Variants in SLC25A40 observed in about 807,000 individuals in gnomAD.
SLC25A40 encodes solute carrier family 25 member 40.
In SLC25A40, 41 loss-of-function variants were observed where a neutral mutation model predicts 46.5. That is an observed-to-expected ratio of 0.88 (90% CI 0.69 to 1.14). The LOEUF (loss-of-function observed/expected upper bound fraction) is 1.14. Ranked by LOEUF, SLC25A40 falls within the 50% of genes most tolerant of loss-of-function variation. The pLI, the probability that SLC25A40 is intolerant of heterozygous loss-of-function variation, is 0.00. For missense variants in SLC25A40, 386 were observed against 393.6 expected (o/e 0.98, Z 0.16); for synonymous variants, 126 against 127.5 (o/e 0.99, Z 0.08).
At chr7:87,852,994 T>C (rs1054387012) in intron 5 of SLC25A40, among the ~76,000 whole-genome samples, 2 of 152,198 alleles carry the variant, frequency 1.3e-5, no homozygotes, top group Non-Finnish European at 2.9e-5. Context: ...AAATTGAATT[T>C]TGTAAAAATT....
At chr7:87,836,600 T>C (rs1838260909) in intron 11 of SLC25A40, 130 bp downstream of exon 11, 1 of 561,452 alleles carries the variant, frequency 1.8e-6, no homozygotes, top group East Asian at 3.4e-5. Context: ...TTTTAACTTA[T>C]AATAAAGATA....
chr7:87,868,439 A>G (rs1230106086), intron 1 of SLC25A40, among the ~76,000 whole-genome samples: 1 of 152,036 alleles, frequency 6.6e-6, no homozygotes, highest in Non-Finnish European at 1.5e-5. Context: ...ACCTGGAAAT[A>G]AGAATCTGAT....
intron 1 of SLC25A40, among the ~76,000 whole-genome samples, chr7:87,873,485 T>C (rs775873142): frequency 1.1e-3 from 155 of 146,226 alleles, no homozygotes; most frequent in Non-Finnish European, 1.7e-3. Flanking sequence ...CACGCTGGAG[T>C]GCAGTGGCGC....
intron 8 of SLC25A40, among the ~76,000 whole-genome samples, chr7:87,846,393 A>G (rs1029369940): frequency 7.9e-5 from 12 of 152,192 alleles, no homozygotes; most frequent in Admixed American, 5.2e-4. Context: ...AAATGCCACT[A>G]AAGTAGGCAC....
intron 4 of SLC25A40, among the ~76,000 whole-genome samples, chr7:87,855,943 G>A (rs888196918): frequency 1.3e-5 from 2 of 152,092 alleles, no homozygotes; most frequent in Admixed American, 1.3e-4. Flanking sequence ...TCAAGCAATA[G>A]TTGTATGATG....
At position 87,858,691 on chromosome 7, in the gene SLC25A40, C is replaced by T. The variant is rs1373119925; in HGVS notation, c.37G>A (p.Val13Met). Residue 13 changes from valine to methionine, a missense_variant, in exon 3 of 12, where the codon GTG (valine) becomes ATG (methionine). Physicochemically the swap from Val to Met is conservative, Grantham distance 21. Transcript: ENST00000341119. ...GCAAGCATTTGTTGAAGAGGTGTCA[C>T]TTTGATAATCTCTTGTCCCCTTGTC... ...PETRGQEIIK[V>M]TPLQQMLASC... The T allele has an allele frequency of 2.5e-6, 4 of 1,613,022 alleles. No individual in the cohort carries two copies. The African/African-American group carries it at 4.0e-5, about 16-fold the overall frequency.
intron 1 of SLC25A40, among the ~76,000 whole-genome samples, chr7:87,872,948 C>T (rs1838916639): frequency 6.6e-6 from 1 of 152,206 alleles, no homozygotes; most frequent in South Asian, 2.1e-4. Flanking sequence ...GTTCCACAGC[C>T]ACTAACCAAT....
In SLC25A40 at chr7:87,833,923, A is replaced by T. The variant is rs1282058908; in HGVS notation, c.*2326T>A. 6.7e-6 allele frequency: 1 copy of T among 148,800 alleles called. No individual in the cohort carries two copies. The highest frequency in any genetic ancestry group is 2.6e-5 in the African/African-American group (1 of 38,914). The allele number at this position is 148,800 out of a possible 1,614,324, so 9.2% of individuals were successfully genotyped here. A position where few individuals can be genotyped will look rare whatever the true frequency, so the allele number is the denominator to read the frequency against. ...TAACCATAATGAATAGTTTTCCTAG[A>T]AAAAAAAATATTGCCTTTTAAAAAA... is the stretch of plus-strand genomic sequence containing the variant. On this transcript the variant is annotated 3_prime_UTR_variant, in exon 12 of 12. Coordinates refer to ENST00000341119, the MANE Select transcript of SLC25A40 (RefSeq NM_018843.4).
intron 5 of SLC25A40, among the ~76,000 whole-genome samples, chr7:87,850,743 T>C (rs1245555781): frequency 6.7e-6 from 1 of 149,726 alleles, no homozygotes; most frequent in African/African-American, 2.5e-5. Context: ...ACTCCAGGCC[T>C]GGGCAACAGA....
In SLC25A40 at chr7:87,836,175, G is replaced by A. The variant is rs1584320213; in HGVS notation, c.*74C>T. On this transcript the variant is annotated 3_prime_UTR_variant, in exon 12 of 12. Transcript: ENST00000341119. ...CATAAAATCATTGTGAGAGAATAAT[G>A]GTGAAAAACATTCTTGCCTAAGAGT... is the stretch of plus-strand genomic sequence containing the variant. 1.2e-6 allele frequency: 1 copy of A among 826,872 alleles called. No homozygotes were observed. Among genetic ancestry groups the A allele is most frequent in the East Asian group, 2.8e-5 (1 of 35,322 alleles). The allele number at this position is 826,872 out of a possible 1,614,324, so 51.2% of individuals were successfully genotyped here. A position where few individuals can be genotyped will look rare whatever the true frequency, so the allele number is the denominator to read the frequency against.
chr7:87,850,633 T>C (rs1838493216), intron 5 of SLC25A40, among the ~76,000 whole-genome samples: 1 of 151,986 alleles, frequency 6.6e-6, no homozygotes, highest in Admixed American at 6.6e-5. Flanking sequence ...CTGGGCATGG[T>C]GACGCACTCC....
chr7:87,852,866 A>T (rs952058669), intron 5 of SLC25A40, among the ~76,000 whole-genome samples: 1 of 152,246 alleles, frequency 6.6e-6, no homozygotes, highest in Non-Finnish European at 1.5e-5. Flanking sequence ...ACATAAAACT[A>T]ACTCAAAATG....
chr7:87,838,137 A>G (rs907114729), intron 10 of SLC25A40, among the ~76,000 whole-genome samples: 1 of 151,558 alleles, frequency 6.6e-6, no homozygotes, highest in Non-Finnish European at 1.5e-5. Flanking sequence ...AAGCATAAAC[A>G]TACTAACTAC....
chr7:87,843,500 A>G (rs900086559), intron 9 of SLC25A40, among the ~76,000 whole-genome samples: 2 of 152,110 alleles, frequency 1.3e-5, no homozygotes, highest in African/African-American at 4.8e-5. Context: ...CTAAAATATT[A>G]TAACTGTAAT....
chr7:87,841,881 T>C (rs952938000), intron 9 of SLC25A40, 167 bp from the exon 10 acceptor site: 17 of 354,458 alleles, frequency 4.8e-5, no homozygotes, highest in Admixed American at 9.4e-5. Flanking sequence ...CAAATAGATA[T>C]GTATTTCTCA....
intron 8 of SLC25A40, among the ~76,000 whole-genome samples, chr7:87,845,650 T>C (rs1838405120): frequency 6.6e-6 from 1 of 152,174 alleles, no homozygotes; most frequent in African/African-American, 2.4e-5. Context: ...CAATAGGTGA[T>C]GTTGGGACAA....
Position 87,863,391 on chromosome 7 carries a change from G to T in SLC25A40, c.-93-2751C>A, listed in dbSNP as rs559317907. ...TTTATAAGGGGCTTTCCCCCCTTTT[G>T]CTTGGCACTTCTCCTTGCTGCCACC... On this transcript the variant is annotated intron_variant, in intron 1 of 11. Transcript: ENST00000341119. Among the ~76,000 whole-genome samples, 4 of 151,924 alleles carry T rather than the reference G, an allele frequency of 2.6e-5. No homozygotes were observed. The East Asian group carries it at 5.8e-4, about 22-fold the overall frequency.
At chr7:87,871,527 T>C (rs1358689653) in intron 1 of SLC25A40, among the ~76,000 whole-genome samples, 2 of 152,240 alleles carry the variant, frequency 1.3e-5, no homozygotes, top group Non-Finnish European at 2.9e-5. Context: ...GATTAGTTAT[T>C]TTAAGATAAC....
In SLC25A40 at chr7:87,865,313, T is replaced by C. The variant is rs1350682673; in HGVS notation, c.-93-4673A>G. On this transcript the variant is annotated intron_variant, in intron 1 of 11. Coordinates refer to ENST00000341119, the MANE Select transcript of SLC25A40 (RefSeq NM_018843.4). ...GAAAACTAAAAAAAAAGCTCTACAC[T>C]TTAATACATCCTCCACACATTTTGA... Among the ~76,000 whole-genome samples, 3 of 152,328 alleles carry C rather than the reference T, an allele frequency of 2.0e-5. No individual in the cohort carries two copies. In the East Asian group the frequency reaches 5.8e-4, roughly 29 times the overall value.
Sources: allele counts gnomAD v4.1 joint callset (sites outside exome capture counted in the v4.1 genomes callset), GRCh38; gene constraint gnomAD v4.1.1; transcripts MANE v1.5; gene names NCBI Gene and HGNC (gene_info 2026-07-23, HGNC 2026-07-21).